PDE7B: variants seen among roughly 807,000 people sequenced by gnomAD.
The protein encoded by PDE7B is 3',5'-cyclic-AMP phosphodiesterase 7B.
In PDE7B, 29 loss-of-function variants were observed where a neutral mutation model predicts 56.2. The ratio of observed to expected loss-of-function variants is 0.52; its 90% CI spans 0.38 to 0.70. The LOEUF (loss-of-function observed/expected upper bound fraction) is 0.70, where lower values mean the gene tolerates loss of function less well. Ranked by LOEUF, PDE7B falls within the 30% of genes least tolerant of loss-of-function variation. PDE7B has a pLI of 0.00. For synonymous variants in PDE7B, 197 were observed against 196.9 expected, an observed-to-expected ratio of 1.00 and a Z score of 0.00; for missense variants, 490 against 565.0, an observed-to-expected ratio of 0.87 and a Z score of 1.35.
chr6:135,853,816 G>A (rs578025127), intron 1 of PDE7B, among the ~76,000 whole-genome samples: 40 of 152,086 alleles, frequency 2.6e-4, no homozygotes, highest in Non-Finnish European at 4.7e-4. Flanking sequence ...ATAATTACAC[G>A]AGTGCATCAT....
intron 1 of PDE7B, among the ~76,000 whole-genome samples, chr6:135,898,797 CA>C (rs1775946283): frequency 1.3e-5 from 2 of 152,056 alleles, no homozygotes; most frequent in South Asian, 4.2e-4. Context: ...AATTTAGGGA[CA>C]AATTATTATT....
At chr6:136,054,384 T>A (rs1327241526) in intron 2 of PDE7B, among the ~76,000 whole-genome samples, 1 of 152,224 alleles carries the variant, frequency 6.6e-6, no homozygotes, top group Admixed American at 6.5e-5. Flanking sequence ...GCATTATTGC[T>A]GAGGACTCTG....
chr6:136,054,796 TCA>T (rs1282149519), intron 2 of PDE7B, among the ~76,000 whole-genome samples: 1 of 152,134 alleles, frequency 6.6e-6, no homozygotes, highest in East Asian at 1.9e-4. Context: ...TAGGGAGGCC[TCA>T]CAATCGTGGT....
chr6:135,970,007 CA>C (rs1025736528), intron 2 of PDE7B, among the ~76,000 whole-genome samples: 16 of 151,700 alleles, frequency 1.1e-4, no homozygotes, highest in Middle Eastern at 3.4e-3. Flanking sequence ...TGAGTCAGTG[CA>C]AAAAAAGTGA....
chr6:136,153,722 CAATT>C (rs1378201771), intron 6 of PDE7B, among the ~76,000 whole-genome samples: 6 of 152,106 alleles, frequency 3.9e-5, no homozygotes, highest in African/African-American at 1.2e-4. Flanking sequence ...AGCAGAAACT[CAATT>C]AAACTATAGT....
At chr6:136,163,416 C>T (rs1013353582) in intron 8 of PDE7B, among the ~76,000 whole-genome samples, 2 of 152,230 alleles carry the variant, frequency 1.3e-5, no homozygotes, top group Non-Finnish European at 2.9e-5. Context: ...CGCCATGTCC[C>T]AAGGCTGCAC....
intron 2 of PDE7B, among the ~76,000 whole-genome samples, chr6:136,092,866 G>A (rs1016255802): frequency 6.6e-6 from 1 of 152,166 alleles, no homozygotes; most frequent in Non-Finnish European, 1.5e-5. Context: ...CTACTGTACA[G>A]AATGGTGACT....
At chr6:136,155,196 A>G (rs1362350086) in intron 7 of PDE7B, among the ~76,000 whole-genome samples, 4 of 152,216 alleles carry the variant, frequency 2.6e-5, no homozygotes, top group Admixed American at 2.6e-4. Flanking sequence ...TGGCAAAGAT[A>G]TATTAGACAG....
At position 135,918,162 on chromosome 6, in the gene PDE7B, G is replaced by C. The variant is rs142488931; in HGVS notation, c.22-29302G>C. ...AATTCTAGCCTCAAACTCAAAGTGT[G>C]TTCCTCCTCAGGTCAGCAAGATCCC... On this transcript the variant is annotated intron_variant, in intron 1 of 12. Transcript: ENST00000308191. 4.8e-3 allele frequency among the ~76,000 whole-genome samples: 729 copies of C among 152,248 alleles called. 7 individuals carry two copies. Among genetic ancestry groups the C allele is most frequent in the African/African-American group, 0.017 (692 of 41,546 alleles).
At chr6:136,096,487 T>TC (rs1164318484) in intron 2 of PDE7B, among the ~76,000 whole-genome samples, 1 of 151,712 alleles carries the variant, frequency 6.6e-6, no homozygotes, top group Non-Finnish European at 1.5e-5. Context: ...ATGCTTTTTT[T>TC]TTTTTTTTTT....
intron 1 of PDE7B, among the ~76,000 whole-genome samples, chr6:135,917,847 C>T (rs1404405583): frequency 1.3e-5 from 2 of 152,094 alleles, no homozygotes; most frequent in African/African-American, 4.8e-5. Flanking sequence ...AGTGGCCTCC[C>T]TCTTAAAGTA....
chr6:136,015,934 T>A (rs1775970176), intron 2 of PDE7B, among the ~76,000 whole-genome samples: 2 of 152,210 alleles, frequency 1.3e-5, no homozygotes, highest in Non-Finnish European at 2.9e-5. Flanking sequence ...TCAAACAGAA[T>A]AAAATGAATT....
At chr6:136,165,040 T>A (rs965725731) in intron 8 of PDE7B, among the ~76,000 whole-genome samples, 2 of 152,200 alleles carry the variant, frequency 1.3e-5, no homozygotes, top group Non-Finnish European at 2.9e-5. Context: ...AGTTTAGATA[T>A]CAACTCTGAA....
chr6:135,964,178 A>T (rs551146021), intron 2 of PDE7B, among the ~76,000 whole-genome samples: 2 of 151,690 alleles, frequency 1.3e-5, no homozygotes, highest in Non-Finnish European at 2.9e-5. Context: ...ATCTCGGCTC[A>T]TTGCGACCTC....
intron 1 of PDE7B, among the ~76,000 whole-genome samples, chr6:135,854,465 C>A (rs1307721586): frequency 6.6e-6 from 1 of 152,180 alleles, no homozygotes; most frequent in Non-Finnish European, 1.5e-5. Flanking sequence ...CTTATGGATT[C>A]AGCTCTGTAT....
intron 2 of PDE7B, among the ~76,000 whole-genome samples, chr6:136,013,327 C>CTGACAATGCCA (rs1186181833): frequency 1.3e-5 from 2 of 152,288 alleles, no homozygotes; most frequent in African/African-American, 4.8e-5. Flanking sequence ...AAGAAAAACA[C>CTGACAATGCCA]AGGCATGCTG....
rs748109155 is a variant in PDE7B at position 136,191,693 on chromosome 6, G to T, written c.1206G>T (p.Met402Ile). Reference sequence around the variant, plus strand: ...GTAACAGCACCCTGTCGGAGAACATGCTGGGCCACCTCGCACACAACAAGG... The same window carrying T: ...GTAACAGCACCCTGTCGGAGAACATTCTGGGCCACCTCGCACACAACAAGG... ...FTGNSTLSEN[M>I]LGHLAHNKAQ... is the part of the protein sequence containing the mutation. The change falls in exon 13 of 13, where the codon ATG (methionine) becomes ATT (isoleucine). Residue 402 changes from methionine (M) to isoleucine (I), a missense_variant. By Grantham distance (10) the Met-to-Ile change is conservative. Transcript: ENST00000308191. 6.2e-7 allele frequency: 1 copy of T among 1,613,792 alleles called. No homozygotes were observed. Among genetic ancestry groups the T allele is most frequent in the East Asian group, 2.2e-5 (1 of 44,856 alleles).
intron 2 of PDE7B, among the ~76,000 whole-genome samples, chr6:136,042,032 A>G: frequency 6.6e-6 from 1 of 152,264 alleles, no homozygotes; most frequent in Non-Finnish European, 1.5e-5. Context: ...ATGATGTGAT[A>G]TAAACCTTGG....
rs183094164 is a variant in PDE7B at position 136,002,004 on chromosome 6, G to A, written c.82+54480G>A. Among the ~76,000 whole-genome samples the A allele has an allele frequency of 6.1e-4, 93 of 152,238 alleles. No homozygotes were observed. In the East Asian group the frequency reaches 0.012, roughly 19 times the overall value. ...CCATCAGACTAACAGCGGATCTCTCGGCAGAAACTCTATAAGCCAGAAGAG... is the reference window on the plus strand; with the variant it reads ...CCATCAGACTAACAGCGGATCTCTCAGCAGAAACTCTATAAGCCAGAAGAG... On this transcript the variant is annotated intron_variant, in intron 2 of 12. Coordinates refer to ENST00000308191, the MANE Select transcript of PDE7B (RefSeq NM_018945.4).
Sources: gnomAD v4.1 joint callset for allele counts (sites outside exome capture counted in the v4.1 genomes callset) on GRCh38, gnomAD v4.1.1 for gene constraint, MANE v1.5 for transcripts, NCBI Gene and HGNC (gene_info 2026-07-23, HGNC 2026-07-21) for gene names.